Variants in FRMD5 observed in about 807,000 individuals in gnomAD.
The protein encoded by FRMD5 is FERM domain-containing protein 5.
FRMD5 carries 20 observed loss-of-function variants against 69.0 expected under a neutral mutation model. That is an observed-to-expected ratio of 0.29 (90% CI 0.20 to 0.42). The LOEUF (loss-of-function observed/expected upper bound fraction) is 0.42, where lower values mean the gene tolerates loss of function less well. Ranked by LOEUF, FRMD5 falls within the 10% of genes least tolerant of loss-of-function variation. FRMD5 has a pLI of 1.00. For synonymous variants in FRMD5, 271 were observed against 260.1 expected, an observed-to-expected ratio of 1.04 and a Z score of -0.40; for missense variants, 595 against 708.6, an observed-to-expected ratio of 0.84 and a Z score of 1.82.
chr15:44,185,014 T>G (rs2078075352), intron 1 of FRMD5, among the ~76,000 whole-genome samples: 1 of 152,216 alleles, frequency 6.6e-6, no homozygotes, highest in Non-Finnish European at 1.5e-5. Context: ...GAAAACAGTT[T>G]ATAGATGTAC....
chr15:44,167,184 T>C (rs1279597001), intron 1 of FRMD5, among the ~76,000 whole-genome samples: 1 of 152,122 alleles, frequency 6.6e-6, no homozygotes, highest in African/African-American at 2.4e-5. Flanking sequence ...CTGGGCAATG[T>C]AGTGAGACCT....
intron 1 of FRMD5, chr15:43,990,126 C>T (rs1350425871): frequency 5.5e-5 from 35 of 632,170 alleles, no homozygotes; most frequent in South Asian, 5.1e-4. Flanking sequence ...ACCTGCAAAG[C>T]TGGCCTTGCA....
At chr15:43,975,620 G>C (rs556927378) in intron 1 of FRMD5, among the ~76,000 whole-genome samples, 1 of 152,290 alleles carries the variant, frequency 6.6e-6, no homozygotes, top group South Asian at 2.1e-4. Context: ...TGAGAGAAAT[G>C]AAAGAAAACC....
Position 44,178,617 on chromosome 15 carries a change from T to C in FRMD5, c.102+16336A>G, listed in dbSNP as rs576100413. 9.2e-5 allele frequency among the ~76,000 whole-genome samples: 14 copies of C among 152,258 alleles called. No individual in the cohort carries two copies. In the South Asian group the frequency reaches 2.7e-3, roughly 29 times the overall value. On this transcript the variant is annotated intron_variant, in intron 1 of 13. Transcript: ENST00000417257. The stretch of plus-strand genomic sequence containing the variant: ...GTCCTCCCTCTGAAAGGTGAACTAG[T>C]GAAAGTCAACATAAAACTAAAGTTG...
intron 1 of FRMD5, chr15:43,990,048 C>T: frequency 1.3e-6 from 1 of 750,706 alleles, no homozygotes; most frequent in Non-Finnish European, 2.4e-6. Context: ...GACCCATGCC[C>T]ACCGTCACGC....
intron 1 of FRMD5, among the ~76,000 whole-genome samples, chr15:44,023,033 G>A (rs949413159): frequency 2.6e-5 from 4 of 152,160 alleles, no homozygotes; most frequent in Non-Finnish European, 5.9e-5. Flanking sequence ...GGGGAGAGGA[G>A]TGAGAGGAGC....
intron 1 of FRMD5, among the ~76,000 whole-genome samples, chr15:44,138,061 A>G (rs553690023): frequency 6.6e-6 from 1 of 152,334 alleles, no homozygotes; most frequent in South Asian, 2.1e-4. Context: ...AGATGGAGGC[A>G]ACCACAAAAC....
rs372366104 is a variant in FRMD5 at position 43,874,406 on chromosome 15, C to G, written c.1192G>C (p.Gly398Arg). ...CTCACGTGAGGCAGGAAGGTGTCCC[C>G]ATGGGAAGTGGAACGCACTGGTGTG... ...HSTPVRSTSH[G>R]DTFLPHVRSS... Residue 398 changes from glycine to arginine, a missense_variant, in exon 14 of 14, where the codon GGG (glycine) becomes CGG (arginine). This residue lies in a region of FRMD5 where 245 missense variants were observed against 227.1 expected (regional missense o/e 1.08). Transcript: ENST00000417257. The G allele has an allele frequency of 1.9e-6, 3 of 1,614,234 alleles. No homozygotes were observed. The highest frequency in any genetic ancestry group is 2.5e-6 in the Non-Finnish European group (3 of 1,180,046).
At chr15:43,987,107 A>C (rs1434445565) in intron 1 of FRMD5, among the ~76,000 whole-genome samples, 1 of 152,096 alleles carries the variant, frequency 6.6e-6, no homozygotes, top group Non-Finnish European at 1.5e-5. Flanking sequence ...CCCTCTCTTC[A>C]GGCTTTCCTA....
Position 44,188,339 on chromosome 15 carries a change from A to C in FRMD5, c.102+6614T>G, listed in dbSNP as rs146748798. 6.4e-4 allele frequency among the ~76,000 whole-genome samples: 97 copies of C among 152,344 alleles called. 2 individuals are homozygous for C. In the East Asian group the frequency reaches 0.019, roughly 29 times the overall value. On this transcript the variant is annotated intron_variant, in intron 1 of 13. Coordinates refer to ENST00000417257, the MANE Select transcript of FRMD5 (RefSeq NM_032892.5). ...GGAAGAGAATCTATTAAGACAATTC[A>C]GGAATAAATCAAAAGTTAGAAATGT...
intron 1 of FRMD5, among the ~76,000 whole-genome samples, chr15:43,967,695 G>A (rs1008750801): frequency 6.6e-6 from 1 of 151,946 alleles, no homozygotes; most frequent in Non-Finnish European, 1.5e-5. Flanking sequence ...TATATAATGG[G>A]CTTCTGATTC....
chr15:43,909,841 C>A, intron 5 of FRMD5, 41 bp downstream of exon 5: 1 of 1,200,928 alleles, frequency 8.3e-7, no homozygotes, highest in Non-Finnish European at 1.2e-6. Context: ...GTAATCAGTA[C>A]TTGGCATGAA....
chr15:44,066,148 A>G (rs1227666720), intron 1 of FRMD5, among the ~76,000 whole-genome samples: 2 of 152,182 alleles, frequency 1.3e-5, no homozygotes, highest in African/African-American at 2.4e-5. Flanking sequence ...TTATCTTTTC[A>G]AGATTTTTCT....
chr15:43,930,972 T>C (rs985745542), intron 1 of FRMD5, among the ~76,000 whole-genome samples: 60 of 152,342 alleles, frequency 3.9e-4, no homozygotes, highest in African/African-American at 1.4e-3. Context: ...CCTGCTGTTG[T>C]ACAGCTTGTA....
At chr15:43,947,257 A>G (rs987807244) in intron 1 of FRMD5, among the ~76,000 whole-genome samples, 1 of 152,172 alleles carries the variant, frequency 6.6e-6, no homozygotes, top group East Asian at 1.9e-4. Flanking sequence ...GTGTGAGAGT[A>G]TATGTGAAGA....
chr15:43,950,928 A>T (rs181235892), intron 1 of FRMD5, among the ~76,000 whole-genome samples: 6 of 152,200 alleles, frequency 3.9e-5, no homozygotes, highest in African/African-American at 1.4e-4. Flanking sequence ...AATGCCCCTT[A>T]TATCAATGGA....
chr15:44,106,088 C>A (rs1226514162), intron 1 of FRMD5, among the ~76,000 whole-genome samples: 1 of 151,954 alleles, frequency 6.6e-6, no homozygotes, highest in Non-Finnish European at 1.5e-5. Context: ...AAACATTTTC[C>A]ATCCACAGTT....
chr15:44,052,651 C>T (rs187253704), intron 1 of FRMD5, among the ~76,000 whole-genome samples: 75 of 152,240 alleles, frequency 4.9e-4, no homozygotes, highest in African/African-American at 1.8e-3. Context: ...TGGGAAGCAC[C>T]ACTCTAATAT....
intron 1 of FRMD5, among the ~76,000 whole-genome samples, chr15:43,942,845 C>T (rs961287322): frequency 1.3e-5 from 2 of 152,224 alleles, no homozygotes; most frequent in African/African-American, 4.8e-5. Context: ...CTGCAATCTC[C>T]ACCTCCCGGG....
Sources: gnomAD v4.1 joint callset for allele counts (sites outside exome capture counted in the v4.1 genomes callset) on GRCh38, gnomAD v4.1.1 for gene constraint, gnomAD v4.1.1 regional missense constraint, MANE v1.5 for transcripts, NCBI Gene and HGNC (gene_info 2026-07-23, HGNC 2026-07-21) for gene names.